The following MDGA2 variants were observed in gnomAD, a reference collection of about 807,000 sequenced individuals.
The protein encoded by MDGA2 is MAM domain containing glycosylphosphatidylinositol anchor 2, also known as MAM domain-containing glycosylphosphatidylinositol anchor protein 2.
Under a neutral mutation model 117.8 loss-of-function variants are expected in MDGA2, and 40 were observed. That is an observed-to-expected ratio of 0.34 (90% confidence interval 0.26 to 0.44). The LOEUF (loss-of-function observed/expected upper bound fraction) is 0.44, where lower values mean the gene tolerates loss of function less well. Ranked by LOEUF, MDGA2 falls within the 20% of genes least tolerant of loss-of-function variation. The pLI, the probability that MDGA2 is intolerant of heterozygous loss-of-function variation, is 1.00. For synonymous variants in MDGA2, 452 were observed against 439.0 expected (o/e 1.03, Z -0.37); for missense variants, 1,123 against 1,250.6 (o/e 0.90, Z 1.54).
At chr14:47,164,028 C>T (rs547914164) in intron 3 of MDGA2, among the ~76,000 whole-genome samples, 51 of 152,232 alleles carry the variant, frequency 3.4e-4, no homozygotes, top group South Asian at 4.2e-4. Flanking sequence ...ATTCTATGAT[C>T]GTAAAGCAAT....
intron 2 of MDGA2, among the ~76,000 whole-genome samples, chr14:47,264,539 T>C (rs1007579125): frequency 1.3e-5 from 2 of 152,170 alleles, no homozygotes; most frequent in East Asian, 3.9e-4. Context: ...AGTCTTACCT[T>C]CTAAGGAAGT....
chr14:47,377,810 A>G (rs1891514538), intron 1 of MDGA2, among the ~76,000 whole-genome samples: 1 of 152,190 alleles, frequency 6.6e-6, no homozygotes, highest in Non-Finnish European at 1.5e-5. Context: ...AACAAAAGGC[A>G]GCAGAAACTT....
At chr14:47,445,112 T>C (rs1258841698) in intron 1 of MDGA2, among the ~76,000 whole-genome samples, 2 of 152,064 alleles carry the variant, frequency 1.3e-5, no homozygotes. Context: ...ACCTGGTGTA[T>C]GGGTGGACAA....
At chr14:47,669,732 C>T (rs1022764949) in intron 1 of MDGA2, among the ~76,000 whole-genome samples, 1 of 152,074 alleles carries the variant, frequency 6.6e-6, no homozygotes, top group Admixed American at 6.5e-5. Flanking sequence ...TGTAATAGAG[C>T]TTCACATTGA....
At chr14:47,345,367 T>C (rs1304159614) in intron 1 of MDGA2, among the ~76,000 whole-genome samples, 2 of 152,120 alleles carry the variant, frequency 1.3e-5, no homozygotes, top group Non-Finnish European at 2.9e-5. Flanking sequence ...TCTGGTTTTA[T>C]AAAATAATGA....
chr14:47,509,666 A>G (rs74901700), intron 1 of MDGA2, among the ~76,000 whole-genome samples: 2,203 of 152,300 alleles, frequency 0.014, 44 homozygotes, highest in African/African-American at 0.05. Context: ...TCAAATCAAG[A>G]GGATTATTCC....
At chr14:47,100,646 AG>A (rs561094791) in intron 5 of MDGA2, among the ~76,000 whole-genome samples, 1 of 152,186 alleles carries the variant, frequency 6.6e-6, no homozygotes, top group Non-Finnish European at 1.5e-5. Flanking sequence ...AAATGGGATA[AG>A]GAAACACTGG....
intron 3 of MDGA2, among the ~76,000 whole-genome samples, chr14:47,150,478 C>T (rs1005151261): frequency 2.6e-5 from 4 of 152,170 alleles, no homozygotes; most frequent in Non-Finnish European, 4.4e-5. Flanking sequence ...AGGAACCCAG[C>T]AGAACCTGAT....
At chr14:47,130,953 C>G (rs1044392455) in intron 5 of MDGA2, among the ~76,000 whole-genome samples, 1 of 152,010 alleles carries the variant, frequency 6.6e-6, no homozygotes, top group Non-Finnish European at 1.5e-5. Flanking sequence ...ACCAACATGG[C>G]CCATGTATAC....
intron 1 of MDGA2, among the ~76,000 whole-genome samples, chr14:47,592,659 G>A (rs1654324663): frequency 6.6e-6 from 1 of 152,094 alleles, no homozygotes; most frequent in African/African-American, 2.4e-5. Flanking sequence ...TTAATAAATG[G>A]TGCTGGGAAA....
rs138438458 is a variant in MDGA2 at position 47,643,768 on chromosome 14, G to C, written c.280+30749C>G. Among the ~76,000 whole-genome samples the C allele has an allele frequency of 6.3e-3, 958 of 152,214 alleles. 12 individuals carry two copies. The highest frequency in any genetic ancestry group is 0.022 in the African/African-American group (909 of 41,564). ...TTTACTTTTTCATTTTACCTGCAAA[G>C]ATAAATTTAGGAACAACCAAGGCCA... On this transcript the variant is annotated intron_variant, in intron 1 of 16. Transcript: ENST00000399232.
At chr14:47,437,357 G>GC (rs1892920081) in intron 1 of MDGA2, among the ~76,000 whole-genome samples, 1 of 152,062 alleles carries the variant, frequency 6.6e-6, no homozygotes, top group African/African-American at 2.4e-5. Context: ...CCTAACCATG[G>GC]CCTAGTCAAG....
intron 1 of MDGA2, among the ~76,000 whole-genome samples, chr14:47,612,028 T>G (rs556367620): frequency 6.6e-6 from 1 of 152,142 alleles, no homozygotes; most frequent in Non-Finnish European, 1.5e-5. Flanking sequence ...AAAAAATTAT[T>G]TGGGACTCAA....
At chr14:47,075,068 C>T (rs1890441307) in intron 6 of MDGA2, among the ~76,000 whole-genome samples, 1 of 152,094 alleles carries the variant, frequency 6.6e-6, no homozygotes, top group Non-Finnish European at 1.5e-5. Flanking sequence ...TTTCAGTCTC[C>T]CAGAATGTGC....
At chr14:46,850,995 G>C (rs1250500522) in intron 15 of MDGA2, among the ~76,000 whole-genome samples, 1 of 151,760 alleles carries the variant, frequency 6.6e-6, no homozygotes, top group African/African-American at 2.4e-5. Flanking sequence ...CTACTAATGA[G>C]GACAATATTT....
intron 1 of MDGA2, among the ~76,000 whole-genome samples, chr14:47,533,417 T>C (rs1243242280): frequency 6.6e-6 from 1 of 152,192 alleles, no homozygotes; most frequent in Non-Finnish European, 1.5e-5. Flanking sequence ...TGTTGGGATT[T>C]ATTGATTGAT....
chr14:47,536,020 G>A (rs1895203325), intron 1 of MDGA2, among the ~76,000 whole-genome samples: 1 of 152,190 alleles, frequency 6.6e-6, no homozygotes, highest in Non-Finnish European at 1.5e-5. Flanking sequence ...GAACCCAGGA[G>A]GGCAAGCCCA....
At chr14:47,352,790 T>C (rs182822228) in intron 1 of MDGA2, among the ~76,000 whole-genome samples, 163 of 152,286 alleles carry the variant, frequency 1.1e-3, no homozygotes, top group Non-Finnish European at 1.9e-3. Flanking sequence ...CGAGAGCATT[T>C]GAGGAGGGGA....
chr14:47,541,917 G>A lies in MDGA2; in HGVS notation c.280+132600C>T, dbSNP rs771084667. Among the ~76,000 whole-genome samples, 20 of 152,130 alleles carry A rather than the reference G, an allele frequency of 1.3e-4. 1 individual carries two copies. Among genetic ancestry groups the A allele is most frequent in the South Asian group, 2.1e-4 (1 of 4,808 alleles). On this transcript the variant is annotated intron_variant, in intron 1 of 16. Transcript: ENST00000399232. Reference sequence around the variant, plus strand: ...CACACAAGGCTCCTTTGTCTTCTTCGGAAAGTAAAATACTGGTGCTGTCAC... The same window carrying A: ...CACACAAGGCTCCTTTGTCTTCTTCAGAAAGTAAAATACTGGTGCTGTCAC...
Sources: allele counts gnomAD v4.1 joint callset (sites outside exome capture counted in the v4.1 genomes callset), GRCh38; gene constraint gnomAD v4.1.1; transcripts MANE v1.5; gene names NCBI Gene and HGNC (gene_info 2026-07-23, HGNC 2026-07-21).